The following NID1 variants were observed in gnomAD, a reference collection of about 807,000 sequenced individuals.
The protein encoded by NID1 is nidogen-1.
In NID1, 76 loss-of-function variants were observed where a neutral mutation model predicts 130.6. The ratio of observed to expected loss-of-function variants is 0.58; its 90% confidence interval spans 0.48 to 0.70. The LOEUF (loss-of-function observed/expected upper bound fraction) is 0.70. NID1 is among the 30% of genes least tolerant of loss of function. The probability of loss-of-function intolerance (pLI) is 0.00; values close to 1 mark genes in which losing one functional copy is unlikely to be tolerated. For missense variants in NID1, 1,517 were observed against 1,664.8 expected, an observed-to-expected ratio of 0.91 and a Z score of 1.54; for synonymous variants, 665 against 675.1, an observed-to-expected ratio of 0.98 and a Z score of 0.23.
chr1:236,012,041 C>T lies in NID1; in HGVS notation c.2407G>A (p.Val803Ile), dbSNP rs1261855373. The T allele has an allele frequency of 1.2e-6, 2 of 1,612,708 alleles. No individual in the cohort carries two copies. Among genetic ancestry groups the T allele is most frequent in the South Asian group, 1.1e-5 (1 of 91,058 alleles). Residue 803 changes from valine (V) to isoleucine (I), a missense_variant and splice_region_variant, in exon 12 of 20, where the codon GTA becomes ATA. By Grantham distance (29) the Val-to-Ile change is conservative (BLOSUM62 3). Transcript: ENST00000264187. ...FSGDGQACQD[V>I]DECQPSRCHP... ...CATCGGCTTGGCTGGCATTCATCTA[C>T]ATCTGTAAAACAGCCACCAGGCCCA...
chr1:236,064,773 G>A (rs1412901680), intron 1 of NID1, 82 bp downstream of exon 1: 2 of 1,377,574 alleles, frequency 1.5e-6, no homozygotes, highest in Non-Finnish European at 2.0e-6. Context: ...CGCCTGCTAC[G>A]CCCAAGTCCG....
intron 8 of NID1, 67 bp downstream of exon 8, chr1:236,025,829 A>G: frequency 6.4e-7 from 1 of 1,569,636 alleles, no homozygotes; most frequent in South Asian, 1.2e-5. Flanking sequence ...GACCAAAAAC[A>G]ATGTCAAAGA....
At chr1:236,009,308 C>A (rs532174030) in intron 12 of NID1, among the ~76,000 whole-genome samples, 17 of 152,136 alleles carry the variant, frequency 1.1e-4, no homozygotes, top group South Asian at 6.2e-4. Context: ...AGGAAGTGAG[C>A]CTTCGCCAGA....
chr1:235,991,140 T>G, intron 13 of NID1, 82 bp from the exon 14 acceptor site: 2 of 1,156,216 alleles, frequency 1.7e-6, no homozygotes. Flanking sequence ...CCCACACACA[T>G]GCACGCATGC....
intron 12 of NID1, among the ~76,000 whole-genome samples, chr1:236,000,390 A>G (rs1338990385): frequency 2.0e-5 from 3 of 152,176 alleles, no homozygotes; most frequent in Non-Finnish European, 2.9e-5. Flanking sequence ...ATTCCTTTCT[A>G]TTGGTTCCAG....
intron 5 of NID1, among the ~76,000 whole-genome samples, chr1:236,033,877 A>G (rs1036615959): frequency 2.0e-5 from 3 of 152,314 alleles, no homozygotes; most frequent in South Asian, 2.1e-4. Flanking sequence ...AATAAGAACT[A>G]AAGAAATTAA....
chr1:235,982,916 C>G (rs1382746032), intron 15 of NID1, among the ~76,000 whole-genome samples: 1 of 152,132 alleles, frequency 6.6e-6, no homozygotes, highest in Non-Finnish European at 1.5e-5. Context: ...TTCTGTTGCT[C>G]AGGCTGGAGT....
chr1:235,978,754 C>T (rs1404582653), intron 19 of NID1, among the ~76,000 whole-genome samples: 1 of 152,094 alleles, frequency 6.6e-6, no homozygotes, highest in Non-Finnish European at 1.5e-5. Flanking sequence ...ACCTGAAGAC[C>T]CTATGCTTTT....
Position 236,041,965 on chromosome 1 carries a change from A to C in NID1, c.1080T>G (p.Phe360Leu), listed in dbSNP as rs766164372. The C allele has an allele frequency of 3.7e-6, 6 of 1,614,062 alleles. No individual in the cohort carries two copies. In the East Asian group the frequency reaches 1.3e-4, roughly 36 times the overall value. The change falls in exon 4 of 20, where the codon TTT becomes TTG. Residue 360 changes from phenylalanine to leucine, a missense_variant. This residue lies in a region of NID1 where 1,329 missense variants were observed against 1,429.2 expected (regional missense o/e 0.93). Transcript: ENST00000264187. ...CTATGACCTGAGGGTGCTGCTGGTGAAAAGTCTCCACTGCCAACTGGAAAG... is the reference window on the plus strand; with the variant it reads ...CTATGACCTGAGGGTGCTGCTGGTGCAAAGTCTCCACTGCCAACTGGAAAG... ...TRSFQLAVET[F>L]HQQHPQVIDV...
At chr1:236,023,134 G>A (rs1241926925) in intron 9 of NID1, among the ~76,000 whole-genome samples, 3 of 151,900 alleles carry the variant, frequency 2.0e-5, no homozygotes, top group South Asian at 2.1e-4. Flanking sequence ...CCAAAAGAAC[G>A]GAAAGCAGGA....
intron 15 of NID1, 54 bp downstream of exon 15, chr1:235,985,325 A>G (rs1657545390): frequency 4.4e-6 from 7 of 1,608,446 alleles, no homozygotes; most frequent in Non-Finnish European, 6.0e-6. Context: ...ATACATGGCC[A>G]CTTTGGCTGC....
chr1:236,005,191 A>T (rs1420394951), intron 12 of NID1, among the ~76,000 whole-genome samples: 2 of 152,074 alleles, frequency 1.3e-5, no homozygotes, highest in African/African-American at 4.8e-5. Flanking sequence ...AAACAAAAAA[A>T]TGTAAGCAGA....
Position 236,042,262 on chromosome 1 carries a change from C to A in NID1, c.783G>T (p.Trp261Cys). Residue 261 changes from tryptophan to cysteine, a missense_variant, in exon 4 of 20, where the codon TGG becomes TGT. Coordinates refer to ENST00000264187, the MANE Select transcript of NID1 (RefSeq NM_002508.3). ...KSSNSGQQGV[W>C]VFEIGSPATT... ...TGGCTGGACTCCCAATCTCAAACAC[C>A]CAGACACCCTGCTGCCCAGAGTTAC... The A allele has an allele frequency of 6.2e-7, 1 of 1,606,760 alleles. No homozygotes were observed.
At chr1:235,983,098 C>T (rs1312914482) in intron 15 of NID1, among the ~76,000 whole-genome samples, 1 of 152,208 alleles carries the variant, frequency 6.6e-6, no homozygotes, top group African/African-American at 2.4e-5. Flanking sequence ...TGGTCTCAAA[C>T]TCCTGACCTC....
intron 7 of NID1, 101 bp downstream of exon 7, chr1:236,029,449 A>T: frequency 8.7e-7 from 1 of 1,147,456 alleles, no homozygotes; most frequent in Non-Finnish European, 1.2e-6. Context: ...TTCCCTCTCC[A>T]GATCCCAGAG....
At chr1:235,983,745 T>C (rs1200264430) in intron 15 of NID1, among the ~76,000 whole-genome samples, 1 of 152,174 alleles carries the variant, frequency 6.6e-6, no homozygotes, top group Non-Finnish European at 1.5e-5. Context: ...GTCTGGATAA[T>C]CTTATCCTTC....
At position 236,052,093 on chromosome 1, in the gene NID1, G is replaced by A. The variant is rs546183069; in HGVS notation, c.226-3104C>T. ...GGATGACTTCAAAGATAAATGTAAT[G>A]TGCAGAACAGCCAGAAGTTTCACTG... On this transcript the variant is annotated intron_variant, in intron 1 of 19. Transcript: ENST00000264187. Among the ~76,000 whole-genome samples the A allele has an allele frequency of 8.9e-4, 136 of 152,320 alleles. 2 individuals are homozygous for A. The South Asian group carries it at 0.015, about 17-fold the overall frequency.
rs1219587543 is a variant in NID1 at position 235,977,804 on chromosome 1, C to T, written c.*63G>A. ...CCAGAGGACACTTTTCAATCTGGAC[C>T]AAGTTGCTTCAAGTAGAGTGTTGCT... On this transcript the variant is annotated 3_prime_UTR_variant, in exon 20 of 20. Coordinates refer to ENST00000264187, the MANE Select transcript of NID1 (RefSeq NM_002508.3). 1 of 1,583,250 alleles carries T rather than the reference C, an allele frequency of 6.3e-7. No homozygotes were observed. The highest frequency in any genetic ancestry group is 8.6e-7 in the Non-Finnish European group (1 of 1,159,312).
chr1:236,049,039 T>C (rs373424820), intron 1 of NID1, 50 bp from the exon 2 acceptor site: 1 of 1,576,736 alleles, frequency 6.3e-7, no homozygotes, highest in African/African-American at 1.4e-5. Context: ...GGGTCCTTTC[T>C]CAGTAAGACT....
Sources: gnomAD v4.1 joint callset for allele counts (sites outside exome capture counted in the v4.1 genomes callset) on GRCh38, gnomAD v4.1.1 for gene constraint, gnomAD v4.1.1 regional missense constraint, MANE v1.5 for transcripts, NCBI Gene and HGNC (gene_info 2026-07-23, HGNC 2026-07-21) for gene names.